GPR180: variants seen among roughly 807,000 people sequenced by gnomAD.
GPR180 encodes the protein integral membrane protein GPR180.
Under a neutral mutation model 52.6 loss-of-function variants are expected in GPR180, and 53 were observed. The ratio of observed to expected loss-of-function variants is 1.01; its 90% CI spans 0.81 to 1.27. The LOEUF is 1.27. Among genes scored for constraint, GPR180 ranks in the 50% most tolerant of loss-of-function variants. GPR180 has a pLI of 0.00. For missense variants in GPR180, 533 were observed against 527.0 expected (o/e 1.01, Z -0.11); for synonymous variants, 200 against 193.1 (o/e 1.04, Z -0.30).
Position 94,619,253 on chromosome 13 carries a change from C to T in GPR180, c.609C>T (p.His203=). The T allele has an allele frequency of 1.2e-6, 2 of 1,614,126 alleles. No homozygotes were observed. Among genetic ancestry groups the T allele is most frequent in the South Asian group, 1.1e-5 (1 of 91,078 alleles). The change falls in exon 4 of 9, where the codon CAC becomes CAT. Residue 203 remains histidine (H), a synonymous_variant. Transcript: ENST00000376958. The part of the protein sequence containing the change: ...WQAIKKGGPM[H]MILKVLTTAL... ...CTATTAAGAAAGGCGGACCCATGCA[C>T]ATGATTTTAAAGGTTCTGACAACTG...
Position 94,632,045 on chromosome 13 carries a change from G to C in GPR180, c.*4874G>C, listed in dbSNP as rs1890005586. 6.6e-6 allele frequency: 1 copy of C among 152,212 alleles called. No individual in the cohort carries two copies. The highest frequency in any genetic ancestry group is 1.5e-5 in the Non-Finnish European group (1 of 68,056). The allele number at this position is 152,212 out of a possible 1,614,324, so 9.4% of individuals were successfully genotyped here. On this transcript the variant is annotated 3_prime_UTR_variant, in exon 9 of 9. Coordinates refer to ENST00000376958, the MANE Select transcript of GPR180 (RefSeq NM_180989.6). Reference sequence around the variant, plus strand: ...TGACAATAACACTCAAATTGCAGCAGCCTGGGGTCATTTAGTGTAGGTGAA... The same window carrying C: ...TGACAATAACACTCAAATTGCAGCACCCTGGGGTCATTTAGTGTAGGTGAA...
At chr13:94,626,888 C>A in intron 8 of GPR180, 125 bp from the exon 9 acceptor site, 2 of 716,362 alleles carry the variant, frequency 2.8e-6, no homozygotes, top group South Asian at 3.3e-5. Flanking sequence ...TAAAATGTAC[C>A]TATGGTAAAG....
chr13:94,623,085 T>C, intron 6 of GPR180, 24 bp from the exon 7 acceptor site: 1 of 1,572,256 alleles, frequency 6.4e-7, no homozygotes, highest in East Asian at 2.2e-5. Context: ...TTTTCCTAAA[T>C]GTAATATTGT....
At position 94,634,425 on chromosome 13, in the gene GPR180, G is replaced by A. The variant is rs1241132947; in HGVS notation, c.*7254G>A. Reference sequence around the variant, plus strand: ...CATATTATATATACTTATATATTAAGTAATCAGAAGTATGTGTTTCTCAAT... The same window carrying A: ...CATATTATATATACTTATATATTAAATAATCAGAAGTATGTGTTTCTCAAT... On this transcript the variant is annotated 3_prime_UTR_variant, in exon 9 of 9. Coordinates refer to ENST00000376958, the MANE Select transcript of GPR180 (RefSeq NM_180989.6). 2.0e-5 allele frequency: 3 copies of A among 151,914 alleles called. No homozygotes were observed. The highest frequency in any genetic ancestry group is 1.9e-4 in the East Asian group (1 of 5,202). The allele number at this position is 151,914 out of a possible 1,614,324, so 9.4% of individuals were successfully genotyped here. A position where few individuals can be genotyped will look rare whatever the true frequency, so the allele number is the denominator to read the frequency against.
In GPR180 at chr13:94,605,541, A is replaced by G. The variant is rs1307268606; in HGVS notation, c.296A>G (p.Gln99Arg). 1 of 1,611,806 alleles carries G rather than the reference A, an allele frequency of 6.2e-7. No homozygotes were observed. Among genetic ancestry groups the G allele is most frequent in the Admixed American group, 1.7e-5 (1 of 59,518 alleles). The change falls in exon 2 of 9, where the codon CAG (glutamine) becomes CGG (arginine). Residue 99 changes from glutamine to arginine, a missense_variant. Coordinates refer to ENST00000376958, the MANE Select transcript of GPR180 (RefSeq NM_180989.6). ...YSCSEKLSKA[Q>R]LTMTMNQTEH... ...TGTAGTGAAAAATTATCCAAAGCTC[A>G]GTTGACAAGTGAGTATATCCTTTTT...
In GPR180 at chr13:94,601,894, G is replaced by C. The variant is rs751857656; in HGVS notation, c.-34G>C. 1.1e-5 allele frequency: 15 copies of C among 1,368,978 alleles called. No individual in the cohort carries two copies. The East Asian group carries it at 4.3e-4, about 39-fold the overall frequency. The allele number at this position is 1,368,978 out of a possible 1,614,324, so 84.8% of individuals were successfully genotyped here. A position where few individuals can be genotyped will look rare whatever the true frequency, so the allele number is the denominator to read the frequency against. On this transcript the variant is annotated 5_prime_UTR_variant, in exon 1 of 9. Transcript: ENST00000376958. ...GGGGCGGGCAGCCGCCGGCGGCTGGGAGCCGAGGCGTCGGTGCAGACCTGG... is the reference window on the plus strand; with the variant it reads ...GGGGCGGGCAGCCGCCGGCGGCTGGCAGCCGAGGCGTCGGTGCAGACCTGG...
In GPR180 at chr13:94,611,861, C is replaced by T. The variant is rs186849816; in HGVS notation, c.305-329C>T. The stretch of plus-strand genomic sequence containing the variant: ...CTGACAGAGGAGGCCCCTCCCATCG[C>T]TCCCAATACGAATGTGAAAACCAAA... On this transcript the variant is annotated intron_variant, in intron 2 of 8. Coordinates refer to ENST00000376958, the MANE Select transcript of GPR180 (RefSeq NM_180989.6). 2.6e-3 allele frequency among the ~76,000 whole-genome samples: 396 copies of T among 150,314 alleles called. 2 individuals carry two copies. Among genetic ancestry groups the T allele is most frequent in the African/African-American group, 9.3e-3 (376 of 40,484 alleles).
At position 94,632,862 on chromosome 13, in the gene GPR180, A is replaced by G. The variant is rs917655447; in HGVS notation, c.*5691A>G. The G allele has an allele frequency of 2.0e-5, 3 of 152,136 alleles. No homozygotes were observed. Among genetic ancestry groups the G allele is most frequent in the African/African-American group, 7.2e-5 (3 of 41,398 alleles). The allele number at this position is 152,136 out of a possible 1,614,324, so 9.4% of individuals were successfully genotyped here. ...AGAGATGGAGTTCAGCTTTATATAG[A>G]GATTGAGTCAATTAATCATGCCTGT... is the stretch of plus-strand genomic sequence containing the variant. On this transcript the variant is annotated 3_prime_UTR_variant, in exon 9 of 9. Transcript: ENST00000376958.
chr13:94,612,235 C>T lies in GPR180; in HGVS notation c.350C>T (p.Pro117Leu), dbSNP rs778593410. 6.2e-6 allele frequency: 10 copies of T among 1,614,014 alleles called. No individual in the cohort carries two copies. Among genetic ancestry groups the T allele is most frequent in the Admixed American group, 1.7e-5 (1 of 60,010 alleles). The change falls in exon 3 of 9, where the codon CCG becomes CTG. Residue 117 changes from proline to leucine, a missense_variant. Transcript: ENST00000376958. ...CATAATCTGACAGTGTCCCAGATTC[C>T]GTCTCCACAAACGTGGCATGTGTTT... ...TEHNLTVSQI[P>L]SPQTWHVFYA... is the part of the protein sequence containing the mutation.
intron 3 of GPR180, among the ~76,000 whole-genome samples, chr13:94,617,118 A>C (rs1016096301): frequency 6.6e-6 from 1 of 152,084 alleles, no homozygotes; most frequent in East Asian, 1.9e-4. Context: ...CCTTCCTTCT[A>C]TATTATTCTC....
chr13:94,611,015 T>C (rs1889696060), intron 2 of GPR180, among the ~76,000 whole-genome samples: 2 of 152,214 alleles, frequency 1.3e-5, no homozygotes, highest in South Asian at 4.1e-4. Flanking sequence ...ACTTAGTGCT[T>C]ATATCAGCCC....
intron 7 of GPR180, among the ~76,000 whole-genome samples, chr13:94,624,527 G>A (rs553800859): frequency 1.2e-4 from 19 of 152,266 alleles, no homozygotes; most frequent in African/African-American, 3.8e-4. Flanking sequence ...TGTATTTGAG[G>A]TGTTTAGGCA....
chr13:94,617,181 C>G (rs17791995), intron 3 of GPR180, among the ~76,000 whole-genome samples: 2,864 of 152,080 alleles, frequency 0.019, 38 homozygotes, highest in Middle Eastern at 0.068. Flanking sequence ...GTTGTAACTT[C>G]ATGGAGTCAG....
At chr13:94,605,673 G>T (rs1889620230) in intron 2 of GPR180, 124 bp downstream of exon 2, 2 of 730,772 alleles carry the variant, frequency 2.7e-6, no homozygotes, top group South Asian at 2.6e-5. Context: ...ATGACACTTT[G>T]TCTAGTACAT....
intron 2 of GPR180, among the ~76,000 whole-genome samples, chr13:94,607,414 G>C (rs1484141254): frequency 6.6e-6 from 1 of 151,156 alleles, no homozygotes; most frequent in Non-Finnish European, 1.5e-5. Flanking sequence ...ACTGGCTGCT[G>C]CTTACCTCTC....
At chr13:94,622,536 A>G (rs547960315) in intron 6 of GPR180, among the ~76,000 whole-genome samples, 3 of 152,346 alleles carry the variant, frequency 2.0e-5, no homozygotes, top group East Asian at 3.9e-4. Context: ...TAGCATATGT[A>G]TATGAAAACA....
Position 94,630,616 on chromosome 13 carries a change from C to G in GPR180, c.*3445C>G, listed in dbSNP as rs987302788. ...GTTATCTCTTAATTTGTACCACTCT[C>G]TCACACACATATCCCAGCCTCATTG... On this transcript the variant is annotated 3_prime_UTR_variant, in exon 9 of 9. Coordinates refer to ENST00000376958, the MANE Select transcript of GPR180 (RefSeq NM_180989.6). 6.6e-6 allele frequency: 1 copy of G among 152,258 alleles called. No individual in the cohort carries two copies. The highest frequency in any genetic ancestry group is 2.4e-5 in the African/African-American group (1 of 41,456). 9.4% of individuals were successfully genotyped at this position (152,258 alleles called of 1,614,324 possible).
intron 7 of GPR180, among the ~76,000 whole-genome samples, chr13:94,625,372 T>C (rs1206256185): frequency 6.6e-6 from 1 of 152,218 alleles, no homozygotes; most frequent in Non-Finnish European, 1.5e-5. Context: ...TTTCTCCCTA[T>C]ATCTTTAATG....
chr13:94,616,084 A>G (rs1229884634), intron 3 of GPR180, among the ~76,000 whole-genome samples: 1 of 152,106 alleles, frequency 6.6e-6, no homozygotes, highest in African/African-American at 2.4e-5. Context: ...CTCAAGTTCA[A>G]AGTTAGCTGT....
Sources: allele counts gnomAD v4.1 joint callset (sites outside exome capture counted in the v4.1 genomes callset), GRCh38; gene constraint gnomAD v4.1.1; transcripts MANE v1.5; gene names NCBI Gene and HGNC (gene_info 2026-07-23, HGNC 2026-07-21).